The following SIM1 variants were observed in gnomAD, a reference collection of about 807,000 sequenced individuals.
The protein encoded by SIM1 is single-minded homolog 1.
SIM1 carries 18 observed loss-of-function variants against 78.2 expected under a neutral mutation model. That is an observed-to-expected ratio of 0.23 (90% CI 0.16 to 0.34). The LOEUF (loss-of-function observed/expected upper bound fraction) is 0.34, where lower values mean the gene tolerates loss of function less well. SIM1 is among the 10% of genes least tolerant of loss of function. The pLI, the probability that SIM1 is intolerant of heterozygous loss-of-function variation, is 1.00. For missense variants in SIM1, 939 were observed against 975.1 expected (o/e 0.96, Z 0.49); for synonymous variants, 417 against 385.2 (o/e 1.08, Z -0.97).
chr6:100,463,228 G>A (rs1772900468), intron 2 of SIM1, 66 bp downstream of exon 2: 10 of 1,415,270 alleles, frequency 7.1e-6, no homozygotes, highest in South Asian at 1.3e-5. Context: ...ACTGATGTCG[G>A]CTCATTGCCT....
chr6:100,460,845 T>A (rs962020258), intron 2 of SIM1, among the ~76,000 whole-genome samples: 16 of 152,272 alleles, frequency 1.1e-4, no homozygotes, highest in African/African-American at 3.9e-4. Context: ...AAGAGCTGTG[T>A]TTGATTTTGG....
In SIM1 at chr6:100,390,042, T is replaced by C. The variant is rs1461748167; in HGVS notation, c.*319A>G. ...GGATCACTGGATAGTCACAATGCAA[T>C]GTTGTCATTCATCAGTCCTCTCATG... is the stretch of plus-strand genomic sequence containing the variant. On this transcript the variant is annotated 3_prime_UTR_variant, in exon 12 of 12. Coordinates refer to ENST00000369208, the MANE Select transcript of SIM1 (RefSeq NM_005068.3). The C allele has an allele frequency of 2.4e-6, 1 of 410,196 alleles. No homozygotes were observed. Among genetic ancestry groups the C allele is most frequent in the Admixed American group, 4.0e-5 (1 of 24,994 alleles). 25.4% of individuals were successfully genotyped at this position (410,196 alleles called of 1,614,324 possible).
rs148579763 is a variant in SIM1, at chr6:100,453,492, C to T, written c.258+270G>A. On this transcript the variant is annotated intron_variant, in intron 3 of 11. Transcript: ENST00000369208. ...TGGTGCCCCCTCCCTTGGTTAGGGGCCTCGTTGGGCTACATTCCAAACCCA... is the reference window on the plus strand; with the variant it reads ...TGGTGCCCCCTCCCTTGGTTAGGGGTCTCGTTGGGCTACATTCCAAACCCA... 4.6e-3 allele frequency among the ~76,000 whole-genome samples: 706 copies of T among 152,200 alleles called. 3 individuals are homozygous for T. Among genetic ancestry groups the T allele is most frequent in the Middle Eastern group, 0.01 (3 of 294 alleles).
intron 9 of SIM1, among the ~76,000 whole-genome samples, chr6:100,435,028 C>A (rs1461677436): frequency 6.6e-6 from 1 of 152,176 alleles, no homozygotes; most frequent in Non-Finnish European, 1.5e-5. Flanking sequence ...AAATAATTTT[C>A]TGTGGGTGAC....
chr6:100,447,485 G>C, intron 8 of SIM1, 70 bp from the exon 9 acceptor site: 1 of 1,581,432 alleles, frequency 6.3e-7, no homozygotes, highest in Non-Finnish European at 8.7e-7. Context: ...TGCAATCCCT[G>C]GTGGTAAGAA....
At chr6:100,394,119 A>C (rs533075969) in intron 10 of SIM1, 2 of 444,064 alleles carry the variant, frequency 4.5e-6, no homozygotes, top group Admixed American at 4.2e-5. Flanking sequence ...TGATGAAAGC[A>C]GGAGATAAAG....
In SIM1 at chr6:100,385,220, A is replaced by G. The variant is rs1157085587; in HGVS notation, c.*5141T>C. On this transcript the variant is annotated 3_prime_UTR_variant, in exon 12 of 12. Coordinates refer to ENST00000369208, the MANE Select transcript of SIM1 (RefSeq NM_005068.3). ...TTTCAAATTACAGCTTTATACTACA[A>G]TGTCACTAAAAACTATACATTGCAA... 1.3e-5 allele frequency: 2 copies of G among 152,078 alleles called. No individual in the cohort carries two copies. Among genetic ancestry groups the G allele is most frequent in the Non-Finnish European group, 2.9e-5 (2 of 67,958 alleles). 9.4% of individuals were successfully genotyped at this position (152,078 alleles called of 1,614,324 possible).
At chr6:100,446,499 A>G (rs1322835825) in intron 9 of SIM1, among the ~76,000 whole-genome samples, 1 of 152,244 alleles carries the variant, frequency 6.6e-6, no homozygotes, top group Non-Finnish European at 1.5e-5. Flanking sequence ...CAAACATTGT[A>G]CAGAACACGC....
chr6:100,390,429 G>A lies in SIM1; in HGVS notation c.2233C>T (p.Leu745=), dbSNP rs1770606871. The A allele has an allele frequency of 6.2e-7, 1 of 1,614,148 alleles. No homozygotes were observed. The highest frequency in any genetic ancestry group is 8.5e-7 in the Non-Finnish European group (1 of 1,180,020). ...TGTGCTGGGTCTGGTTGCATCCTCA[G>A]ATGGGAAGTTACATCAAAGTGTGAG... The part of the protein sequence containing the change: ...NGSHFDVTSH[L]RMQPDPAQGH... The change falls in exon 12 of 12, where the codon CTG becomes TTG. Residue 745 remains leucine (L), a synonymous_variant. Transcript: ENST00000369208.
chr6:100,388,134 A>G lies in SIM1; in HGVS notation c.*2227T>C, dbSNP rs1189128759. On this transcript the variant is annotated 3_prime_UTR_variant, in exon 12 of 12. Transcript: ENST00000369208. Reference sequence around the variant, plus strand: ...CATAAATAATTTTCTCAAAATTACTAAATACTCTTTTTTGTATAATTCAAA... The same window carrying G: ...CATAAATAATTTTCTCAAAATTACTGAATACTCTTTTTTGTATAATTCAAA... 6.6e-6 allele frequency: 1 copy of G among 152,150 alleles called. No homozygotes were observed. The highest frequency in any genetic ancestry group is 6.6e-5 in the Admixed American group (1 of 15,266). The allele number at this position is 152,150 out of a possible 1,614,324, so 9.4% of individuals were successfully genotyped here. A position where few individuals can be genotyped will look rare whatever the true frequency, so the allele number is the denominator to read the frequency against.
rs1464776548 is a variant in SIM1, at chr6:100,385,553, A to G, written c.*4808T>C. The G allele has an allele frequency of 6.6e-6, 1 of 152,014 alleles. No homozygotes were observed. The highest frequency in any genetic ancestry group is 1.9e-4 in the East Asian group (1 of 5,190). The allele number at this position is 152,014 out of a possible 1,614,324, so 9.4% of individuals were successfully genotyped here. Reference sequence around the variant, plus strand: ...ATTAGGGCAAATTAACCCCAACCCCATATAGATTTATGAAAGCAAAGTCCC... The same window carrying G: ...ATTAGGGCAAATTAACCCCAACCCCGTATAGATTTATGAAAGCAAAGTCCC... On this transcript the variant is annotated 3_prime_UTR_variant, in exon 12 of 12. Coordinates refer to ENST00000369208, the MANE Select transcript of SIM1 (RefSeq NM_005068.3).
intron 10 of SIM1, chr6:100,396,133 C>T (rs1436937144): frequency 1.0e-6 from 1 of 966,180 alleles, no homozygotes; most frequent in Non-Finnish European, 1.2e-6. Context: ...ATCGCCTTCA[C>T]TTTCACCAAA....
rs41285845 is a variant in SIM1, at chr6:100,386,221, C to T, written c.*4140G>A. The T allele has an allele frequency of 4.6e-5, 7 of 152,104 alleles. No individual in the cohort carries two copies. The highest frequency in any genetic ancestry group is 6.6e-5 in the Admixed American group (1 of 15,262). 9.4% of individuals were successfully genotyped at this position (152,104 alleles called of 1,614,324 possible). On this transcript the variant is annotated 3_prime_UTR_variant, in exon 12 of 12. Coordinates refer to ENST00000369208, the MANE Select transcript of SIM1 (RefSeq NM_005068.3). ...AGGGAACCAAATCTGGGCATTCAAACATTTTATATCAGAAAGACTGTGTTT... is the reference window on the plus strand; with the variant it reads ...AGGGAACCAAATCTGGGCATTCAAATATTTTATATCAGAAAGACTGTGTTT...
chr6:100,454,692 G>T (rs1489905767), intron 2 of SIM1, among the ~76,000 whole-genome samples: 1 of 152,088 alleles, frequency 6.6e-6, no homozygotes, highest in East Asian at 1.9e-4. Flanking sequence ...GTGTTTCCCC[G>T]TTAAGATCTT....
intron 9 of SIM1, among the ~76,000 whole-genome samples, chr6:100,432,020 T>C (rs1160271374): frequency 1.3e-5 from 2 of 152,052 alleles, no homozygotes; most frequent in African/African-American, 4.8e-5. Context: ...GTGGTGCACA[T>C]CTGTAATCCT....
rs770755221 is a variant in SIM1 at position 100,388,371 on chromosome 6, A to G, written c.*1990T>C. 3 of 152,194 alleles carry G rather than the reference A, an allele frequency of 2.0e-5. No individual in the cohort carries two copies. Among genetic ancestry groups the G allele is most frequent in the African/African-American group, 4.8e-5 (2 of 41,466 alleles). 9.4% of individuals were successfully genotyped at this position (152,194 alleles called of 1,614,324 possible). On this transcript the variant is annotated 3_prime_UTR_variant, in exon 12 of 12. Transcript: ENST00000369208. ...CATTTGATTGGAAAAAAAACCACAC[A>G]TAAGTGAATCTGCACAGTTCAAACC...
At chr6:100,395,368 C>T (rs1770742750) in intron 10 of SIM1, among the ~76,000 whole-genome samples, 1 of 152,120 alleles carries the variant, frequency 6.6e-6, no homozygotes, top group South Asian at 2.1e-4. Flanking sequence ...GAAGAAAGGA[C>T]ATTACTACAA....
At chr6:100,412,719 G>GAAAGAA (rs1554220913) in intron 10 of SIM1, among the ~76,000 whole-genome samples, 2 of 130,550 alleles carry the variant, frequency 1.5e-5, no homozygotes, top group Non-Finnish European at 3.3e-5. Flanking sequence ...AAGAAAGAAA[G>GAAAGAA]AAAGAAAGAA....
intron 2 of SIM1, among the ~76,000 whole-genome samples, chr6:100,458,743 G>C (rs1216518868): frequency 2.0e-5 from 3 of 152,024 alleles, no homozygotes; most frequent in Non-Finnish European, 2.9e-5. Context: ...ATTGTCCCCT[G>C]TCGGCCCTGC....
Sources: gnomAD v4.1 joint callset for allele counts (sites outside exome capture counted in the v4.1 genomes callset) on GRCh38, gnomAD v4.1.1 for gene constraint, MANE v1.5 for transcripts, NCBI Gene and HGNC (gene_info 2026-07-23, HGNC 2026-07-21) for gene names.